Variants in SLC1A2 observed in about 807,000 individuals in gnomAD.
SLC1A2 encodes excitatory amino acid transporter 2.
SLC1A2 carries 15 observed loss-of-function variants against 48.8 expected under a neutral mutation model. That is an observed-to-expected ratio of 0.31 (90% CI 0.21 to 0.47). The LOEUF is 0.47. Ranked by LOEUF, SLC1A2 falls within the 20% of genes least tolerant of loss-of-function variation. SLC1A2 has a pLI of 0.99. For missense variants in SLC1A2, 502 were observed against 730.5 expected, an observed-to-expected ratio of 0.69 and a Z score of 3.61; for synonymous variants, 279 against 272.6, an observed-to-expected ratio of 1.02 and a Z score of -0.23.
chr11:35,388,792 C>T (rs1156390765), intron 1 of SLC1A2, among the ~76,000 whole-genome samples: 2 of 152,202 alleles, frequency 1.3e-5, no homozygotes, highest in Non-Finnish European at 1.5e-5. Flanking sequence ...GATACACCTT[C>T]GGATGCTCAG....
In SLC1A2 at chr11:35,324,261, ATTTG is replaced by A. The variant is rs746335667; in HGVS notation, c.18-6749_18-6746del. Among the ~76,000 whole-genome samples the A allele has an allele frequency of 3.0e-4, 46 of 152,240 alleles. 1 individual carries two copies. The highest frequency in any genetic ancestry group is 1.2e-3 in the Admixed American group (19 of 15,288). ...TTTTCAAGGGATCAATAAAAGTTGT[ATTTG>A]TTTGGCTCAGAAACAGATGTTAAAA... On this transcript the variant is annotated intron_variant, in intron 1 of 10. Coordinates refer to ENST00000278379, the MANE Select transcript of SLC1A2 (RefSeq NM_004171.4).
intron 1 of SLC1A2, among the ~76,000 whole-genome samples, chr11:35,384,909 G>C (rs887463203): frequency 6.6e-6 from 1 of 151,830 alleles, no homozygotes; most frequent in African/African-American, 2.4e-5. Flanking sequence ...GTGCAAGATG[G>C]CTTCCCTACA....
intron 1 of SLC1A2, among the ~76,000 whole-genome samples, chr11:35,376,983 T>C (rs966283201): frequency 3.9e-5 from 6 of 152,210 alleles, no homozygotes; most frequent in African/African-American, 1.4e-4. Flanking sequence ...GCTGGTACTA[T>C]AACCACTGAG....
intron 1 of SLC1A2, among the ~76,000 whole-genome samples, chr11:35,414,235 A>T (rs1243577000): frequency 6.6e-6 from 1 of 152,262 alleles, no homozygotes; most frequent in African/African-American, 2.4e-5. Flanking sequence ...GAGAAACAAT[A>T]CTTTTTAAAA....
intron 1 of SLC1A2, among the ~76,000 whole-genome samples, chr11:35,363,714 T>C (rs978419474): frequency 1.3e-5 from 2 of 152,134 alleles, no homozygotes; most frequent in Non-Finnish European, 2.9e-5. Context: ...AATAACTTGC[T>C]CCAGGACACG....
chr11:35,306,096 G>T lies in SLC1A2; in HGVS notation c.708C>A (p.Phe236Leu). 1 of 1,613,848 alleles carries T rather than the reference G, an allele frequency of 6.2e-7. No homozygotes were observed. Among genetic ancestry groups the T allele is most frequent in the South Asian group, 1.1e-5 (1 of 91,052 alleles). ...TKMVIKKGLEFKDGMNVLGLI... is the reference protein window; with the variant it reads ...TKMVIKKGLELKDGMNVLGLI... ...TACCTAAGACGTTCATCCCATCCTT[G>T]AACTCCAGGCCCTTCTTGATAACCA... The change falls in exon 5 of 11, where the codon TTC (phenylalanine) becomes TTA (leucine). Residue 236 changes from phenylalanine (F) to leucine (L), a missense_variant. Phe to Leu is a conservative substitution (Grantham distance 22, BLOSUM62 0). This residue lies in a region of SLC1A2 where 309 missense variants were observed against 480.3 expected (regional missense o/e 0.64). Transcript: ENST00000278379.
rs115509919 is a variant in SLC1A2, at chr11:35,255,396, C to G, written c.*5498G>C. ...TTGTAAGTTAGAGCATCTCTTCCTG[C>G]AATGTGATACCCATGATAAAAACAA... On this transcript the variant is annotated 3_prime_UTR_variant, in exon 11 of 11. Coordinates refer to ENST00000278379, the MANE Select transcript of SLC1A2 (RefSeq NM_004171.4). The G allele has an allele frequency of 2.6e-5, 4 of 152,288 alleles. No individual in the cohort carries two copies. Among genetic ancestry groups the G allele is most frequent in the African/African-American group, 9.7e-5 (4 of 41,430 alleles). 9.4% of individuals were successfully genotyped at this position (152,288 alleles called of 1,614,324 possible). A position where few individuals can be genotyped will look rare whatever the true frequency, so the allele number is the denominator to read the frequency against.
intron 6 of SLC1A2, chr11:35,298,884 G>A (rs1208988752): frequency 6.6e-6 from 1 of 152,140 alleles, no homozygotes; most frequent in Admixed American, 6.5e-5. Context: ...CATGTTATTG[G>A]CATCATATTA....
At chr11:35,406,230 A>G (rs940947322) in intron 1 of SLC1A2, among the ~76,000 whole-genome samples, 1 of 152,218 alleles carries the variant, frequency 6.6e-6, no homozygotes, top group Admixed American at 6.5e-5. Flanking sequence ...GCTGACAAGG[A>G]TGAGAATTCA....
At chr11:35,284,106 T>TATATATATATATATATATATATAC (rs1850734961) in intron 8 of SLC1A2, among the ~76,000 whole-genome samples, 3 of 144,026 alleles carry the variant, frequency 2.1e-5, no homozygotes. Context: ...TATATATATA[T>TATATATATATATATATATATATAC]ATATAAATTA....
intron 8 of SLC1A2, among the ~76,000 whole-genome samples, chr11:35,283,598 T>G (rs1305416865): frequency 6.6e-6 from 1 of 152,096 alleles, no homozygotes; most frequent in Non-Finnish European, 1.5e-5. Context: ...TGGTCCATTC[T>G]CCCATCTGTA....
intron 9 of SLC1A2, among the ~76,000 whole-genome samples, chr11:35,271,673 C>A (rs759888416): frequency 1.6e-4 from 24 of 151,952 alleles, no homozygotes; most frequent in Non-Finnish European, 1.0e-4. Context: ...GAAACCCCAT[C>A]TCTACTAAAA....
intron 1 of SLC1A2, among the ~76,000 whole-genome samples, chr11:35,372,364 C>A (rs1353529425): frequency 1.3e-5 from 2 of 152,220 alleles, no homozygotes; most frequent in African/African-American, 4.8e-5. Context: ...TCCCCTCTCC[C>A]CTGCTTTGGT....
At chr11:35,290,174 A>G (rs1247485548) in intron 7 of SLC1A2, among the ~76,000 whole-genome samples, 1 of 152,224 alleles carries the variant, frequency 6.6e-6, no homozygotes, top group Admixed American at 6.5e-5. Context: ...ATGTGCTTCA[A>G]AACTGTCAAT....
intron 6 of SLC1A2, among the ~76,000 whole-genome samples, chr11:35,296,436 T>TA (rs1342230933): frequency 6.6e-6 from 1 of 152,240 alleles, no homozygotes; most frequent in Admixed American, 6.5e-5. Context: ...TGATTTTTGT[T>TA]AAAAGTTACC....
chr11:35,419,936 C>T (rs1855735912), upstream of SLC1A2: 1 of 469,506 alleles, frequency 2.1e-6, no homozygotes, highest in Non-Finnish European at 4.4e-6. The surrounding 1 kb of genome is among the most constrained non-coding windows in gnomAD (Gnocchi z 5.4). Context: ...GCACACCCAC[C>T]CCATCCTCCC....
At chr11:35,313,985 A>G (rs1680732543) in intron 3 of SLC1A2, among the ~76,000 whole-genome samples, 1 of 152,186 alleles carries the variant, frequency 6.6e-6, no homozygotes, top group Non-Finnish European at 1.5e-5. Flanking sequence ...CCAAATATGG[A>G]CCAAAGCTCA....
At chr11:35,379,284 A>G (rs1317734993) in intron 1 of SLC1A2, among the ~76,000 whole-genome samples, 5 of 152,244 alleles carry the variant, frequency 3.3e-5, no homozygotes, top group African/African-American at 9.6e-5. Context: ...TAGGAAGTCT[A>G]TGTAAATGCC....
intron 9 of SLC1A2, among the ~76,000 whole-genome samples, chr11:35,270,272 C>A (rs762932975): frequency 1.3e-5 from 2 of 152,132 alleles, no homozygotes; most frequent in Non-Finnish European, 2.9e-5. Context: ...AACTTTTCAC[C>A]TGAGCAAGGG....
Sources: gnomAD v4.1 joint callset for allele counts (sites outside exome capture counted in the v4.1 genomes callset) on GRCh38, gnomAD v4.1.1 for gene constraint, gnomAD v4.1.1 regional missense constraint, Gnocchi (gnomAD v3.1) non-coding constraint, MANE v1.5 for transcripts, NCBI Gene and HGNC (gene_info 2026-07-23, HGNC 2026-07-21) for gene names.